Variants in DNAAF11 observed in about 807,000 individuals in gnomAD.
The protein encoded by DNAAF11 is dynein axonemal assembly factor 11, also known as leucine rich repeat containing 6.
A neutral mutation model predicts 60.8 loss-of-function variants in DNAAF11; 45 were observed. The observed-to-expected ratio is 0.74, with a 90% CI of 0.58 to 0.95. DNAAF11 has a LOEUF of 0.95. Ranked by LOEUF, DNAAF11 falls within the 40% of genes least tolerant of loss-of-function variation. The pLI, the probability that DNAAF11 is intolerant of heterozygous loss-of-function variation, is 0.00. For synonymous variants in DNAAF11, 191 were observed against 183.5 expected, an observed-to-expected ratio of 1.04 and a Z score of -0.33; for missense variants, 546 against 546.2, an observed-to-expected ratio of 1.00 and a Z score of 0.00.
chr8:132,573,438 C>T (rs933790740), intron 11 of DNAAF11, among the ~76,000 whole-genome samples: 1 of 152,160 alleles, frequency 6.6e-6, no homozygotes, highest in Non-Finnish European at 1.5e-5. Context: ...GAATTAATGA[C>T]ACTCTCATAC....
At chr8:132,645,809 C>A (rs971935736) in intron 3 of DNAAF11, among the ~76,000 whole-genome samples, 6 of 152,112 alleles carry the variant, frequency 3.9e-5, no homozygotes, top group Non-Finnish European at 7.4e-5. Flanking sequence ...AAGAAATGAA[C>A]AAATCCTCCA....
intron 7 of DNAAF11, among the ~76,000 whole-genome samples, chr8:132,621,422 C>T (rs1156561327): frequency 2.6e-5 from 4 of 152,070 alleles, no homozygotes; most frequent in Admixed American, 6.6e-5. Context: ...GATCACATGT[C>T]GGGAGGCAGT....
intron 3 of DNAAF11, among the ~76,000 whole-genome samples, chr8:132,641,464 A>G (rs2130595503): frequency 6.6e-6 from 1 of 152,250 alleles, no homozygotes; most frequent in African/African-American, 2.4e-5. Flanking sequence ...TTTATCTCCC[A>G]CACATAAAAG....
intron 8 of DNAAF11, 54 bp downstream of exon 8, chr8:132,614,984 G>T: frequency 1.7e-6 from 2 of 1,163,840 alleles, no homozygotes; most frequent in Non-Finnish European, 1.2e-6. Flanking sequence ...AATTACTACT[G>T]AGAATGAAAA....
At chr8:132,648,353 C>T (rs966866188) in intron 3 of DNAAF11, among the ~76,000 whole-genome samples, 6 of 152,228 alleles carry the variant, frequency 3.9e-5, no homozygotes, top group East Asian at 1.9e-4. Flanking sequence ...ATTGATGAGA[C>T]GTATCTCAAA....
intron 8 of DNAAF11, among the ~76,000 whole-genome samples, chr8:132,612,655 AG>A (rs200376283): frequency 0.03 from 4,596 of 152,242 alleles, 95 homozygotes; most frequent in Middle Eastern, 0.068. Flanking sequence ...TCTAAGTGAT[AG>A]GAGATCATGA....
chr8:132,670,628 A>T (rs920808935), intron 1 of DNAAF11, among the ~76,000 whole-genome samples: 5 of 152,204 alleles, frequency 3.3e-5, no homozygotes, highest in African/African-American at 1.2e-4. Context: ...ATAAGGTCAG[A>T]ATTACAACCA....
At chr8:132,700,539 T>A in the DNAAF11 span, among the ~76,000 whole-genome samples, 3 of 138,464 alleles carry the variant, frequency 2.2e-5, no homozygotes, top group Admixed American at 7.1e-5. Flanking sequence ...AAAAAAAAAA[T>A]TAGCCAGATG....
At chr8:132,614,764 G>C (rs1448350756) in intron 8 of DNAAF11, among the ~76,000 whole-genome samples, 2 of 152,146 alleles carry the variant, frequency 1.3e-5, no homozygotes, top group African/African-American at 4.8e-5. Context: ...GGTCCTTGTA[G>C]TATCAGCATC....
rs957466544 is a variant in DNAAF11, at chr8:132,571,148, G to A, written c.*1158C>T. 1.3e-5 allele frequency among the ~76,000 whole-genome samples: 2 copies of A among 152,082 alleles called. No homozygotes were observed. Among genetic ancestry groups the A allele is most frequent in the East Asian group, 1.9e-4 (1 of 5,186 alleles). ...CTGGAAGCCTGTTTAATAGAGAAAGGCCCTGTCTGAAAAAGCACCCATCAC... is the reference window on the plus strand; with the variant it reads ...CTGGAAGCCTGTTTAATAGAGAAAGACCCTGTCTGAAAAAGCACCCATCAC... On this transcript the variant is annotated 3_prime_UTR_variant, in exon 12 of 12. Transcript: ENST00000620350.
chr8:132,610,818 T>C (rs1180846521), intron 9 of DNAAF11, among the ~76,000 whole-genome samples: 1 of 152,224 alleles, frequency 6.6e-6, no homozygotes, highest in African/African-American at 2.4e-5. Flanking sequence ...ACTCCCATGA[T>C]ACAAAACCAT....
Position 132,615,108 on chromosome 8 carries a change from C to T in DNAAF11, c.915-11G>A, listed in dbSNP as rs913389954. ...AAAGAGAAGTCAATTCTAAGAATAA[C>T]ACATTTGGTGGGAAAAAAGAGATGT... is the stretch of plus-strand genomic sequence containing the variant. On this transcript the variant is annotated splice_polypyrimidine_tract_variant and intron_variant, in intron 7 of 11. Transcript: ENST00000620350. The T allele has an allele frequency of 6.3e-7, 1 of 1,586,372 alleles. No homozygotes were observed.
chr8:132,699,145 A>C, the DNAAF11 span, among the ~76,000 whole-genome samples: 1 of 151,706 alleles, frequency 6.6e-6, no homozygotes, highest in African/African-American at 2.4e-5. Flanking sequence ...AAAAAAAAAA[A>C]AGAATGATAA....
the DNAAF11 span, among the ~76,000 whole-genome samples, chr8:132,686,053 A>G: frequency 6.6e-6 from 1 of 152,202 alleles, no homozygotes; most frequent in South Asian, 2.1e-4. Flanking sequence ...ATACCACAAG[A>G]AAAGACTGAA....
At chr8:132,615,226 G>A in intron 7 of DNAAF11, 129 bp from the exon 8 acceptor site, 1 of 504,788 alleles carries the variant, frequency 2.0e-6, no homozygotes, top group Non-Finnish European at 3.5e-6. Flanking sequence ...TTATTTTAGT[G>A]GTTGAACAAT....
chr8:132,639,846 G>C (rs904377397), intron 3 of DNAAF11, among the ~76,000 whole-genome samples: 12 of 149,992 alleles, frequency 8.0e-5, no homozygotes, highest in African/African-American at 2.7e-4. Context: ...AGCTCTTTAG[G>C]ATAAACTGAT....
chr8:132,573,607 T>C (rs866723892), intron 11 of DNAAF11, among the ~76,000 whole-genome samples: 1 of 152,228 alleles, frequency 6.6e-6, no homozygotes, highest in African/African-American at 2.4e-5. Context: ...AATGAAATTA[T>C]ATAAGAAATT....
rs1344888623 is a variant in DNAAF11 at position 132,673,564 on chromosome 8, GCCT to G, written c.10+1917_10+1919del. Among the ~76,000 whole-genome samples the G allele has an allele frequency of 1.9e-3, 286 of 152,152 alleles. 2 individuals are homozygous for G. The highest frequency in any genetic ancestry group is 6.6e-3 in the African/African-American group (272 of 41,504). On this transcript the variant is annotated intron_variant, in intron 1 of 11. Coordinates refer to ENST00000620350, the MANE Select transcript of DNAAF11 (RefSeq NM_012472.6). ...GAGCGGATCCCTGCCTACCTGTCAG[GCCT>G]TCCTTATCTCTTTGCTCTCCACTCC...
At chr8:132,592,616 G>C (rs896863863) in intron 10 of DNAAF11, among the ~76,000 whole-genome samples, 4 of 152,076 alleles carry the variant, frequency 2.6e-5, no homozygotes, top group Non-Finnish European at 5.9e-5. Context: ...AGGAGAAACT[G>C]GCACCATAAA....
Sources: allele counts gnomAD v4.1 joint callset (sites outside exome capture counted in the v4.1 genomes callset), GRCh38; gene constraint gnomAD v4.1.1; transcripts MANE v1.5; gene names NCBI Gene and HGNC (gene_info 2026-07-23, HGNC 2026-07-21).